CLMP: variants seen among roughly 807,000 people sequenced by gnomAD.
The protein encoded by CLMP is CXADR-like membrane protein.
CLMP carries 27 observed loss-of-function variants against 45.2 expected under a neutral mutation model. The ratio of observed to expected loss-of-function variants is 0.60; its 90% CI spans 0.44 to 0.82. The LOEUF (loss-of-function observed/expected upper bound fraction) is 0.82. Among genes scored for constraint, CLMP ranks in the 40% least tolerant of loss-of-function variants. The pLI is 0.00. For missense variants in CLMP, 403 were observed against 448.4 expected, an observed-to-expected ratio of 0.90 and a Z score of 0.91; for synonymous variants, 167 against 171.4, an observed-to-expected ratio of 0.97 and a Z score of 0.20.
At chr11:123,119,694 G>GTTT (rs112632000) in intron 1 of CLMP, among the ~76,000 whole-genome samples, 2,328 of 149,278 alleles carry the variant, frequency 0.016, 24 homozygotes, top group South Asian at 0.029. Context: ...TTATTTTGTT[G>GTTT]TTTTTTTTTT....
At chr11:123,152,006 A>G (rs939136932) in intron 1 of CLMP, among the ~76,000 whole-genome samples, 15 of 152,158 alleles carry the variant, frequency 9.9e-5, no homozygotes, top group African/African-American at 3.4e-4. Flanking sequence ...GAATTTGCCT[A>G]TAGCACAGTT....
rs1861956557 is a variant in CLMP, at chr11:123,194,798, AGC to A, written c.28+113_28+114del. 71 of 1,339,528 alleles carry A rather than the reference AGC, an allele frequency of 5.3e-5. No individual in the cohort carries two copies. The South Asian group carries it at 8.6e-4, about 16-fold the overall frequency. The allele number at this position is 1,339,528 out of a possible 1,614,324, so 83.0% of individuals were successfully genotyped here. ...CGTGGCCAGGAGGCAGGGACTGAAAAGCCGGCTGACTCCAGGGGCTGCAGGGA... is the reference window on the plus strand; with the variant it reads ...CGTGGCCAGGAGGCAGGGACTGAAAACGGCTGACTCCAGGGGCTGCAGGGA... On this transcript the variant is annotated intron_variant, in intron 1 of 6. Transcript: ENST00000448775.
intron 1 of CLMP, among the ~76,000 whole-genome samples, chr11:123,102,707 C>CTTTT (rs34392557): frequency 3.9e-4 from 36 of 93,284 alleles, no homozygotes; most frequent in African/African-American, 4.9e-4. Flanking sequence ...TCCCGAGTAG[C>CTTTT]TTTTTTTTTT....
chr11:123,178,749 G>A (rs944732557), intron 1 of CLMP, among the ~76,000 whole-genome samples: 1 of 152,214 alleles, frequency 6.6e-6, no homozygotes, highest in African/African-American at 2.4e-5. Flanking sequence ...TGAGTAGCAG[G>A]AGGATGTGTG....
chr11:123,145,145 T>C (rs1018060661), intron 1 of CLMP, among the ~76,000 whole-genome samples: 12 of 152,232 alleles, frequency 7.9e-5, no homozygotes, highest in Admixed American at 3.9e-4. Flanking sequence ...ATATTAAAAT[T>C]AATTTCCCCT....
chr11:123,093,268 A>C (rs1371267826), intron 2 of CLMP, among the ~76,000 whole-genome samples: 1 of 152,120 alleles, frequency 6.6e-6, no homozygotes, highest in Non-Finnish European at 1.5e-5. Flanking sequence ...CTGTCTCAAT[A>C]TTTAATGAAG....
intron 1 of CLMP, among the ~76,000 whole-genome samples, chr11:123,183,653 G>A (rs753205732): frequency 6.6e-6 from 1 of 152,160 alleles, no homozygotes; most frequent in Non-Finnish European, 1.5e-5. Flanking sequence ...GGAACCCACA[G>A]GACATGGGCA....
intron 1 of CLMP, among the ~76,000 whole-genome samples, chr11:123,118,961 CTTTCTTTCTTTCTTTCTTTCTT>C (rs1860760279): frequency 2.5e-5 from 1 of 39,682 alleles, no homozygotes; most frequent in African/African-American, 1.0e-4. Context: ...TTCTTTCTTT[CTTTCTTTCTTTCTTTCTTTCTT>C]TCTTTCTTTC....
chr11:123,104,418 C>T (rs1176856151), intron 1 of CLMP, among the ~76,000 whole-genome samples: 2 of 150,484 alleles, frequency 1.3e-5, no homozygotes, highest in Non-Finnish European at 3.0e-5. Flanking sequence ...GGAGTCTCGC[C>T]CTGTTGCTCA....
chr11:123,158,209 T>C (rs1861440900), intron 1 of CLMP, among the ~76,000 whole-genome samples: 1 of 152,224 alleles, frequency 6.6e-6, no homozygotes. Context: ...GCAAGTCACG[T>C]ACTGCCTCTC....
chr11:123,078,582 G>T (rs1161197425), intron 5 of CLMP, among the ~76,000 whole-genome samples: 7 of 151,822 alleles, frequency 4.6e-5, no homozygotes, highest in African/African-American at 1.5e-4. Context: ...GAGTAGCTGG[G>T]ATTAGAGGTG....
At chr11:123,167,129 T>G (rs1037435046) in intron 1 of CLMP, among the ~76,000 whole-genome samples, 5 of 152,202 alleles carry the variant, frequency 3.3e-5, no homozygotes, top group African/African-American at 1.2e-4. Context: ...TGATAGCGAT[T>G]ACTATCAATA....
chr11:123,086,076 C>T (rs1392480231), intron 2 of CLMP, among the ~76,000 whole-genome samples: 1 of 144,508 alleles, frequency 6.9e-6, no homozygotes, highest in Non-Finnish European at 1.5e-5. Context: ...TGCGCCTGGC[C>T]CTAATTTTTT....
At chr11:123,102,099 A>C (rs1268333805) in intron 1 of CLMP, among the ~76,000 whole-genome samples, 2 of 151,764 alleles carry the variant, frequency 1.3e-5, no homozygotes, top group African/African-American at 4.8e-5. Context: ...TGGGAGGATC[A>C]CCTGAGCTTG....
intron 1 of CLMP, among the ~76,000 whole-genome samples, chr11:123,145,672 C>G (rs1446604929): frequency 6.6e-6 from 1 of 152,082 alleles, no homozygotes; most frequent in African/African-American, 2.4e-5. Context: ...CCATGTTGGC[C>G]AGGCTGGTAT....
rs762616358 is a variant in CLMP, at chr11:123,089,653, C to T, written c.187-4940G>A. Among the ~76,000 whole-genome samples the T allele has an allele frequency of 2.9e-3, 431 of 149,512 alleles. 1 individual carries two copies. Among genetic ancestry groups the T allele is most frequent in the Non-Finnish European group, 4.9e-3 (330 of 67,294 alleles). On this transcript the variant is annotated intron_variant, in intron 2 of 6. Transcript: ENST00000448775. ...TTAGCTGGGTGTGGTGGCGGGCGCC[C>T]GTAGTTCCAGCTACTCGGGAGGCTG...
intron 3 of CLMP, 38 bp downstream of exon 3, chr11:123,084,474 A>G: frequency 1.3e-6 from 2 of 1,540,482 alleles, no homozygotes; most frequent in African/African-American, 2.7e-5. Context: ...ATACCTTAGA[A>G]ATAAGCTGTA....
chr11:123,178,892 T>C (rs1027321792), intron 1 of CLMP, among the ~76,000 whole-genome samples: 1 of 152,224 alleles, frequency 6.6e-6, no homozygotes, highest in Non-Finnish European at 1.5e-5. Flanking sequence ...AGGGTGTGGT[T>C]GTATTACATG....
intron 1 of CLMP, among the ~76,000 whole-genome samples, chr11:123,132,605 C>A (rs1158806013): frequency 6.6e-6 from 1 of 151,708 alleles, no homozygotes; most frequent in Admixed American, 6.6e-5. Context: ...ATTACAGGCG[C>A]CTGCCACCAC....
Sources: allele counts gnomAD v4.1 joint callset (sites outside exome capture counted in the v4.1 genomes callset), GRCh38; gene constraint gnomAD v4.1.1; transcripts MANE v1.5; gene names NCBI Gene and HGNC (gene_info 2026-07-23, HGNC 2026-07-21).